Variants in SLC10A7 observed in about 807,000 individuals in gnomAD.
The protein encoded by SLC10A7 is solute carrier family 10 member 7.
SLC10A7 carries 29 observed loss-of-function variants against 43.2 expected under a neutral mutation model. The observed-to-expected ratio is 0.67, with a 90% CI of 0.50 to 0.92. The LOEUF (loss-of-function observed/expected upper bound fraction) is 0.92, where lower values mean the gene tolerates loss of function less well. Among genes scored for constraint, SLC10A7 ranks in the 40% least tolerant of loss-of-function variants. SLC10A7 has a pLI of 0.00. For synonymous variants in SLC10A7, 152 were observed against 144.8 expected (o/e 1.05, Z -0.35); for missense variants, 295 against 403.2 (o/e 0.73, Z 2.30).
chr4:146,378,362 A>G (rs889818411), intron 5 of SLC10A7, among the ~76,000 whole-genome samples: 1 of 152,210 alleles, frequency 6.6e-6, no homozygotes, highest in Non-Finnish European at 1.5e-5. Flanking sequence ...AAAAAACATA[A>G]TCCACAATAC....
At position 146,512,498 on chromosome 4, in the gene SLC10A7, G is replaced by A. The variant is rs1042701508; in HGVS notation, c.184-2449C>T. ...TCTGGAAACAAATGTCCAAACATAA[G>A]AGAATCATTTAAAAAGTTAAAATCT... On this transcript the variant is annotated intron_variant, in intron 2 of 11. Coordinates refer to ENST00000335472, the MANE Select transcript of SLC10A7 (RefSeq NM_001029998.6). Among the ~76,000 whole-genome samples the A allele has an allele frequency of 4.6e-5, 7 of 152,214 alleles. No individual in the cohort carries two copies. In the East Asian group the frequency reaches 9.7e-4, roughly 21 times the overall value.
intron 5 of SLC10A7, among the ~76,000 whole-genome samples, chr4:146,348,454 T>C (rs1734782493): frequency 6.6e-6 from 1 of 152,220 alleles, no homozygotes; most frequent in South Asian, 2.1e-4. Flanking sequence ...TGGTGTGCTG[T>C]GTATTTAAAA....
chr4:146,258,851 A>C lies in SLC10A7; in HGVS notation c.848-14T>G, dbSNP rs1414356256. ...GCATCGGAATTCCTGTTGAACAAAG[A>C]AGACAGAAAACCTAAACCAAATTCA... is the stretch of plus-strand genomic sequence containing the variant. On this transcript the variant is annotated splice_polypyrimidine_tract_variant and intron_variant, in intron 10 of 11. Coordinates refer to ENST00000335472, the MANE Select transcript of SLC10A7 (RefSeq NM_001029998.6). 5 of 1,600,876 alleles carry C rather than the reference A, an allele frequency of 3.1e-6. No homozygotes were observed. The highest frequency in any genetic ancestry group is 4.2e-6 in the Non-Finnish European group (5 of 1,176,772).
chr4:146,326,025 T>C, intron 5 of SLC10A7, 29 bp from the exon 6 acceptor site: 3 of 1,603,088 alleles, frequency 1.9e-6, no homozygotes, highest in Non-Finnish European at 2.6e-6. Context: ...AGGATGATCA[T>C]TTATCAGCCT....
chr4:146,320,801 AG>A (rs1224228499), intron 6 of SLC10A7, among the ~76,000 whole-genome samples: 1 of 150,906 alleles, frequency 6.6e-6, no homozygotes, highest in Non-Finnish European at 1.5e-5. Flanking sequence ...GAGGAGTAGC[AG>A]GTGGTATAGC....
At chr4:146,274,103 C>T (rs555766812) in intron 10 of SLC10A7, among the ~76,000 whole-genome samples, 1 of 152,110 alleles carries the variant, frequency 6.6e-6, no homozygotes, top group African/African-American at 2.4e-5. Flanking sequence ...CCTCAGCTTG[C>T]CAGGAAGACA....
chr4:146,274,603 A>C (rs1729095466), intron 10 of SLC10A7, among the ~76,000 whole-genome samples: 1 of 152,190 alleles, frequency 6.6e-6, no homozygotes, highest in Non-Finnish European at 1.5e-5. Context: ...GGACATTCGA[A>C]GTTAGGCAAA....
intron 3 of SLC10A7, among the ~76,000 whole-genome samples, chr4:146,506,989 C>T (rs1736972341): frequency 1.3e-5 from 2 of 152,054 alleles, no homozygotes; most frequent in African/African-American, 2.4e-5. Flanking sequence ...AAATTTATGG[C>T]ATACAACATG....
At chr4:146,418,989 G>T (rs964666924) in intron 5 of SLC10A7, among the ~76,000 whole-genome samples, 6 of 152,214 alleles carry the variant, frequency 3.9e-5, no homozygotes, top group African/African-American at 1.4e-4. Context: ...ATATTACAAA[G>T]AACACAGATG....
intron 5 of SLC10A7, among the ~76,000 whole-genome samples, chr4:146,438,368 T>C (rs1390763607): frequency 6.6e-6 from 1 of 152,110 alleles, no homozygotes; most frequent in Non-Finnish European, 1.5e-5. Context: ...AACTCATTTC[T>C]TGACACTTTA....
intron 5 of SLC10A7, among the ~76,000 whole-genome samples, chr4:146,437,352 T>C (rs1730290113): frequency 6.6e-6 from 1 of 152,108 alleles, no homozygotes; most frequent in Non-Finnish European, 1.5e-5. Flanking sequence ...AACACAGTTA[T>C]TAATTTTAAT....
At chr4:146,417,046 A>G (rs1183437200) in intron 5 of SLC10A7, among the ~76,000 whole-genome samples, 1 of 152,198 alleles carries the variant, frequency 6.6e-6, no homozygotes, top group East Asian at 1.9e-4. Context: ...TAAGATATAT[A>G]TATAAATATA....
chr4:146,344,806 TA>T (rs1416824569), intron 5 of SLC10A7, among the ~76,000 whole-genome samples: 11 of 152,110 alleles, frequency 7.2e-5, no homozygotes, highest in African/African-American at 2.4e-4. Context: ...TGGGAAAATA[TA>T]GTGATATTTC....
intron 6 of SLC10A7, among the ~76,000 whole-genome samples, chr4:146,323,536 C>T (rs1245126271): frequency 1.3e-5 from 2 of 152,124 alleles, no homozygotes; most frequent in Non-Finnish European, 2.9e-5. Context: ...CACATGGTTG[C>T]AGATGTGTGG....
chr4:146,452,800 T>C (rs1286881132), intron 4 of SLC10A7, among the ~76,000 whole-genome samples: 1 of 152,030 alleles, frequency 6.6e-6, no homozygotes, highest in Non-Finnish European at 1.5e-5. Context: ...TTTTTATATA[T>C]ATCATTGTAT....
chr4:146,260,149 A>AT (rs948133090), intron 10 of SLC10A7, among the ~76,000 whole-genome samples: 30 of 152,168 alleles, frequency 2.0e-4, no homozygotes, highest in African/African-American at 7.0e-4. Context: ...ACATGCTTAG[A>AT]TTTTTTGCAG....
intron 5 of SLC10A7, among the ~76,000 whole-genome samples, chr4:146,407,092 C>A (rs997054892): frequency 3.3e-5 from 5 of 152,192 alleles, no homozygotes; most frequent in Non-Finnish European, 5.9e-5. Flanking sequence ...CTACCCCTCA[C>A]TTTATCTTTT....
At chr4:146,509,137 T>C (rs78766014) in intron 3 of SLC10A7, among the ~76,000 whole-genome samples, 5,399 of 152,316 alleles carry the variant, frequency 0.035, 109 homozygotes, top group Non-Finnish European at 0.049. Flanking sequence ...TTGTTCTTTT[T>C]ACATCATTTA....
chr4:146,328,554 A>C (rs1733315944), intron 5 of SLC10A7, among the ~76,000 whole-genome samples: 1 of 152,066 alleles, frequency 6.6e-6, no homozygotes, highest in African/African-American at 2.4e-5. Context: ...CACTCTGCCC[A>C]CTACTGCCAG....
Sources: allele counts gnomAD v4.1 joint callset (sites outside exome capture counted in the v4.1 genomes callset), GRCh38; gene constraint gnomAD v4.1.1; transcripts MANE v1.5; gene names NCBI Gene and HGNC (gene_info 2026-07-23, HGNC 2026-07-21).